ATP8A2: variants seen among roughly 807,000 people sequenced by gnomAD.
ATP8A2 encodes ATPase phospholipid transporting 8A2.
A neutral mutation model predicts 165.6 loss-of-function variants in ATP8A2; 100 were observed. The ratio of observed to expected loss-of-function variants is 0.60; its 90% confidence interval spans 0.51 to 0.71. The LOEUF (loss-of-function observed/expected upper bound fraction) is 0.71, where lower values mean the gene tolerates loss of function less well. Among genes scored for constraint, ATP8A2 ranks in the 30% least tolerant of loss-of-function variants. ATP8A2 has a pLI of 0.00. For missense variants in ATP8A2, 1,227 were observed against 1,479.5 expected (o/e 0.83, Z 2.80); for synonymous variants, 543 against 548.8 (o/e 0.99, Z 0.15).
At chr13:25,616,358 T>C (rs1232269538) in intron 24 of ATP8A2, among the ~76,000 whole-genome samples, 6 of 137,922 alleles carry the variant, frequency 4.4e-5, no homozygotes, top group Admixed American at 1.6e-4. Flanking sequence ...TGAGACAGAG[T>C]GTTGCTGTTG....
chr13:25,425,901 A>G (rs1337549871), intron 1 of ATP8A2, among the ~76,000 whole-genome samples: 1 of 152,130 alleles, frequency 6.6e-6, no homozygotes, highest in Non-Finnish European at 1.5e-5. Flanking sequence ...ACTTAGCACT[A>G]TGCATTTAAG....
chr13:25,744,148 T>C (rs2043976681), intron 25 of ATP8A2, among the ~76,000 whole-genome samples: 1 of 152,250 alleles, frequency 6.6e-6, no homozygotes, highest in Non-Finnish European at 1.5e-5. Context: ...GCGTGAATTT[T>C]CTTTGGCAAT....
intron 16 of ATP8A2, 71 bp from the exon 17 acceptor site, chr13:25,570,696 A>G (rs555955592): frequency 8.4e-7 from 1 of 1,194,968 alleles, no homozygotes; most frequent in Admixed American, 1.8e-5. Flanking sequence ...TTAGTTGGGG[A>G]TCTGCTTGTG....
At chr13:25,428,402 T>C (rs2034510940) in intron 1 of ATP8A2, among the ~76,000 whole-genome samples, 1 of 152,194 alleles carries the variant, frequency 6.6e-6, no homozygotes, top group Non-Finnish European at 1.5e-5. Flanking sequence ...CACCGAATGC[T>C]AGATGTGCTG....
At chr13:25,511,208 C>T (rs1046893837) in intron 2 of ATP8A2, among the ~76,000 whole-genome samples, 1 of 150,830 alleles carries the variant, frequency 6.6e-6, no homozygotes, top group Non-Finnish European at 1.5e-5. Context: ...CTTTTCCTGC[C>T]TTGTTCTTCT....
At chr13:25,678,861 C>T (rs9578900) in intron 24 of ATP8A2, among the ~76,000 whole-genome samples, 9,267 of 152,072 alleles carry the variant, frequency 0.061, 535 homozygotes, top group African/African-American at 0.14. Flanking sequence ...TGGAGGAAAG[C>T]GATGTATGTG....
Position 25,372,951 on chromosome 13 carries a change from G to A in ATP8A2, c.76+663G>A, listed in dbSNP as rs890336528. On this transcript the variant is annotated intron_variant, in intron 1 of 36. Transcript: ENST00000381655. The surrounding 1 kb of genome is among the most constrained non-coding windows in gnomAD (Gnocchi z 4.8). The stretch of plus-strand genomic sequence containing the variant: ...CACATACCCTGCCTGCAGGCGCCTG[G>A]GTGTTGGAACTCGAAACCTAAAGCC... Among the ~76,000 whole-genome samples, 1 of 152,180 alleles carries A rather than the reference G, an allele frequency of 6.6e-6. No individual in the cohort carries two copies. Among genetic ancestry groups the A allele is most frequent in the Admixed American group, 6.5e-5 (1 of 15,282 alleles).
rs534841545 is a variant in ATP8A2, at chr13:25,907,090, C to T, written c.3183+44682C>T. Among the ~76,000 whole-genome samples the T allele has an allele frequency of 5.9e-5, 9 of 152,266 alleles. No homozygotes were observed. In the East Asian group the frequency reaches 7.7e-4, roughly 13 times the overall value. ...ACCAAAAATGCAAAAAACTAGCCGG[C>T]GTGGTAGTGCACACCTGTAGTCCCA... is the stretch of plus-strand genomic sequence containing the variant. On this transcript the variant is annotated intron_variant, in intron 33 of 36. Transcript: ENST00000381655.
chr13:25,426,974 ATGTCAG>A (rs2034466734), intron 1 of ATP8A2, among the ~76,000 whole-genome samples: 1 of 152,080 alleles, frequency 6.6e-6, no homozygotes, highest in Admixed American at 6.6e-5. Context: ...CAATAATAAT[ATGTCAG>A]TATCAGTTCA....
intron 33 of ATP8A2, among the ~76,000 whole-genome samples, chr13:25,903,337 C>T (rs1030455291): frequency 2.0e-5 from 3 of 152,114 alleles, no homozygotes; most frequent in African/African-American, 7.2e-5. Flanking sequence ...CACCACAGAC[C>T]CTGCTAGGTC....
chr13:25,662,679 A>G (rs905019793), intron 24 of ATP8A2, among the ~76,000 whole-genome samples: 1 of 152,194 alleles, frequency 6.6e-6, no homozygotes, highest in African/African-American at 2.4e-5. Context: ...GAGTAATCCA[A>G]TCTGGGGGTG....
At chr13:25,999,759 G>T (rs2139317052) in intron 35 of ATP8A2, among the ~76,000 whole-genome samples, 1 of 152,266 alleles carries the variant, frequency 6.6e-6, no homozygotes, top group East Asian at 1.9e-4. Flanking sequence ...AGGTCAAGAG[G>T]TCATGTTTTT....
chr13:25,627,885 G>A (rs1184142534), intron 24 of ATP8A2, among the ~76,000 whole-genome samples: 3 of 152,142 alleles, frequency 2.0e-5, no homozygotes, highest in Non-Finnish European at 4.4e-5. Context: ...GATGATGCCA[G>A]CTCTCACCAT....
chr13:25,988,442 G>A (rs1399811372), intron 35 of ATP8A2, among the ~76,000 whole-genome samples: 1 of 152,230 alleles, frequency 6.6e-6, no homozygotes, highest in African/African-American at 2.4e-5. Context: ...CCACATCCCA[G>A]TTAAAATGCA....
intron 27 of ATP8A2, among the ~76,000 whole-genome samples, chr13:25,796,080 G>C (rs988724541): frequency 6.6e-6 from 1 of 151,974 alleles, no homozygotes; most frequent in Non-Finnish European, 1.5e-5. Context: ...CTCCCTAGTA[G>C]CTGGGATTAC....
intron 1 of ATP8A2, among the ~76,000 whole-genome samples, chr13:25,408,517 G>C (rs1186501363): frequency 2.0e-5 from 3 of 152,200 alleles, no homozygotes; most frequent in Non-Finnish European, 4.4e-5. Context: ...GCACACTGAT[G>C]TGTTAATCTT....
chr13:25,579,190 G>A (rs1393677504), intron 21 of ATP8A2, among the ~76,000 whole-genome samples: 1 of 152,156 alleles, frequency 6.6e-6, no homozygotes, highest in Non-Finnish European at 1.5e-5. Context: ...CCCTCTCTTG[G>A]TGTCCTTATG....
rs747392977 is a variant in ATP8A2, at chr13:25,553,835, T to G, written c.1100T>G (p.Ile367Ser). The G allele has an allele frequency of 6.2e-7, 1 of 1,613,714 alleles. No individual in the cohort carries two copies. Among genetic ancestry groups the G allele is most frequent in the Non-Finnish European group, 8.5e-7 (1 of 1,179,588 alleles). The change falls in exon 12 of 37, where the codon ATC (isoleucine) becomes AGC (serine). Residue 367 changes from isoleucine (I) to serine (S), a missense_variant. Coordinates refer to ENST00000381655, the MANE Select transcript of ATP8A2 (RefSeq NM_016529.6). ...DNFGYNLLTF[I>S]ILYNNLIPIS... is the part of the protein sequence containing the mutation. ...TTTGGATACAACCTACTGACGTTCA[T>G]CATCTTATACAACAATCTTATTCCC...
chr13:25,706,040 A>T (rs1372807446), intron 25 of ATP8A2, among the ~76,000 whole-genome samples: 1 of 152,234 alleles, frequency 6.6e-6, no homozygotes, highest in African/African-American at 2.4e-5. Flanking sequence ...TAAGCAACAT[A>T]GAAACTTGCA....
Sources: gnomAD v4.1 joint callset for allele counts (sites outside exome capture counted in the v4.1 genomes callset) on GRCh38, gnomAD v4.1.1 for gene constraint, Gnocchi (gnomAD v3.1) non-coding constraint, MANE v1.5 for transcripts, NCBI Gene and HGNC (gene_info 2026-07-23, HGNC 2026-07-21) for gene names.